The following NDST4 variants were observed in gnomAD, a reference collection of about 807,000 sequenced individuals.
The protein encoded by NDST4 is N-heparan sulfate sulfotransferase 4.
A neutral mutation model predicts 100.8 loss-of-function variants in NDST4; 63 were observed. The ratio of observed to expected loss-of-function variants is 0.62; its 90% CI spans 0.51 to 0.77. The LOEUF is 0.77. Among genes scored for constraint, NDST4 ranks in the 30% least tolerant of loss-of-function variants. The pLI, the probability that NDST4 is intolerant of heterozygous loss-of-function variation, is 0.00. For synonymous variants in NDST4, 377 were observed against 361.8 expected, an observed-to-expected ratio of 1.04 and a Z score of -0.48; for missense variants, 943 against 1,018.4, an observed-to-expected ratio of 0.93 and a Z score of 1.01.
intron 6 of NDST4, among the ~76,000 whole-genome samples, chr4:114,900,957 A>G (rs1560803072): frequency 2.0e-5 from 3 of 151,886 alleles, no homozygotes; most frequent in Admixed American, 1.3e-4. Context: ...TTTTCTAGCT[A>G]TCTTTCTATT....
intron 2 of NDST4, among the ~76,000 whole-genome samples, chr4:114,980,531 G>T (rs959728905): frequency 6.7e-6 from 1 of 150,054 alleles, no homozygotes; most frequent in African/African-American, 2.5e-5. Flanking sequence ...AATCCCAGCT[G>T]CTCGGGAGGC....
At chr4:115,088,387 A>C (rs112213465) in intron 1 of NDST4, among the ~76,000 whole-genome samples, 1 of 151,780 alleles carries the variant, frequency 6.6e-6, no homozygotes, top group Non-Finnish European at 1.5e-5. Context: ...ACTTTAAAAA[A>C]CTGGTATAAT....
intron 2 of NDST4, among the ~76,000 whole-genome samples, chr4:115,068,538 G>T (rs1728999953): frequency 6.6e-6 from 1 of 151,848 alleles, no homozygotes; most frequent in Non-Finnish European, 1.5e-5. Context: ...GCTGGGTGCG[G>T]TGGCTCATGC....
intron 11 of NDST4, among the ~76,000 whole-genome samples, chr4:114,839,149 TTAA>T: frequency 6.6e-6 from 1 of 152,312 alleles, no homozygotes; most frequent in Admixed American, 6.5e-5. Context: ...ATTTATAATG[TTAA>T]TAGTATTAAT....
chr4:114,873,631 C>A (rs1578357402), intron 6 of NDST4, among the ~76,000 whole-genome samples: 1 of 151,934 alleles, frequency 6.6e-6, no homozygotes, highest in East Asian at 1.9e-4. Context: ...TGTAACATAG[C>A]ATGGTATCAG....
At chr4:114,954,863 T>C (rs1215145501) in intron 4 of NDST4, among the ~76,000 whole-genome samples, 1 of 152,170 alleles carries the variant, frequency 6.6e-6, no homozygotes, top group African/African-American at 2.4e-5. Flanking sequence ...GAGTGAATTC[T>C]CTGCAAATCT....
intron 1 of NDST4, among the ~76,000 whole-genome samples, chr4:115,108,323 G>C (rs1223209929): frequency 6.6e-6 from 1 of 151,932 alleles, no homozygotes; most frequent in African/African-American, 2.4e-5. Context: ...GAACTCTTTT[G>C]AGGTGTCTGA....
intron 2 of NDST4, among the ~76,000 whole-genome samples, chr4:115,030,377 T>C (rs1471590110): frequency 6.6e-6 from 1 of 152,140 alleles, no homozygotes; most frequent in Non-Finnish European, 1.5e-5. Flanking sequence ...AACAGTATTT[T>C]CAGACTATTG....
chr4:114,940,958 T>G (rs993748651), intron 4 of NDST4, among the ~76,000 whole-genome samples: 1 of 152,010 alleles, frequency 6.6e-6, no homozygotes, highest in East Asian at 1.9e-4. Flanking sequence ...TTTTTATGGG[T>G]ACAGGATGGG....
At chr4:115,068,723 A>G (rs893428336) in intron 2 of NDST4, among the ~76,000 whole-genome samples, 2 of 151,102 alleles carry the variant, frequency 1.3e-5, no homozygotes, top group Admixed American at 6.6e-5. Flanking sequence ...AGGCTGAGGC[A>G]GAAGAATAGC....
intron 2 of NDST4, among the ~76,000 whole-genome samples, chr4:115,011,445 T>G (rs982856413): frequency 4.0e-5 from 6 of 151,204 alleles, no homozygotes; most frequent in African/African-American, 1.5e-4. Context: ...GAGTTTAGAC[T>G]AACATGAAGG....
At chr4:114,951,656 T>A (rs1010209176) in intron 4 of NDST4, among the ~76,000 whole-genome samples, 1 of 152,256 alleles carries the variant, frequency 6.6e-6, no homozygotes, top group East Asian at 1.9e-4. Context: ...TTTACATATT[T>A]GAAAATTATA....
In NDST4 at chr4:115,033,152, TATATA is replaced by T. The variant is rs1439308233; in HGVS notation, c.978+42902_978+42906del. Among the ~76,000 whole-genome samples the T allele has an allele frequency of 3.7e-3, 383 of 103,176 alleles. 1 individual carries two copies. Among genetic ancestry groups the T allele is most frequent in the African/African-American group, 0.012 (223 of 19,228 alleles). The allele number at this position is 103,176 out of a possible 152,430, so 67.7% of individuals were successfully genotyped here. The stretch of plus-strand genomic sequence containing the variant: ...ATGTGTATATATATATATATATATA[TATATA>T]TTTTTTTTTTTTTTGAAACAGGGTC... On this transcript the variant is annotated intron_variant, in intron 2 of 13. Coordinates refer to ENST00000264363, the MANE Select transcript of NDST4 (RefSeq NM_022569.3).
intron 3 of NDST4, among the ~76,000 whole-genome samples, chr4:114,975,696 A>G (rs1442021645): frequency 1.3e-5 from 2 of 152,162 alleles, no homozygotes; most frequent in Non-Finnish European, 2.9e-5. Flanking sequence ...AGCCAAAAGA[A>G]TGACTTTCCT....
At chr4:114,834,256 G>T (rs1723263307) in intron 11 of NDST4, among the ~76,000 whole-genome samples, 1 of 152,156 alleles carries the variant, frequency 6.6e-6, no homozygotes, top group Admixed American at 6.5e-5. Flanking sequence ...GCTCACACCT[G>T]TAATCCCAGC....
At chr4:114,987,242 G>A (rs764579240) in intron 2 of NDST4, among the ~76,000 whole-genome samples, 2 of 152,058 alleles carry the variant, frequency 1.3e-5, no homozygotes, top group South Asian at 4.1e-4. Context: ...TGGGAGACAA[G>A]GAGTTTATAA....
rs144489371 is a variant in NDST4, at chr4:115,034,452, G to A, written c.978+41607C>T. ...AGAATACTTCCCTTAGCAATGAGGG[G>A]AATAAGAGGTGATTACAACAATAAT... On this transcript the variant is annotated intron_variant, in intron 2 of 13. Coordinates refer to ENST00000264363, the MANE Select transcript of NDST4 (RefSeq NM_022569.3). Among the ~76,000 whole-genome samples, 334 of 151,958 alleles carry A rather than the reference G, an allele frequency of 2.2e-3. 1 individual carries two copies. The highest frequency in any genetic ancestry group is 7.7e-3 in the African/African-American group (320 of 41,460).
intron 6 of NDST4, among the ~76,000 whole-genome samples, chr4:114,910,430 T>C (rs1725039946): frequency 6.6e-6 from 1 of 152,194 alleles, no homozygotes; most frequent in Non-Finnish European, 1.5e-5. Context: ...TGCCTGTGTG[T>C]ATGTGTGTCT....
intron 1 of NDST4, among the ~76,000 whole-genome samples, chr4:115,085,180 C>T (rs1460262910): frequency 3.9e-5 from 6 of 152,240 alleles, no homozygotes; most frequent in East Asian, 1.9e-4. Context: ...TTCAGAATTT[C>T]GTGGGGCCTG....
Sources: gnomAD v4.1 joint callset for allele counts (sites outside exome capture counted in the v4.1 genomes callset) on GRCh38, gnomAD v4.1.1 for gene constraint, MANE v1.5 for transcripts, NCBI Gene and HGNC (gene_info 2026-07-23, HGNC 2026-07-21) for gene names.